Variants in NME5 observed in about 807,000 individuals in gnomAD.
NME5 encodes nucleoside diphosphate kinase 5.
Under a neutral mutation model 21.6 loss-of-function variants are expected in NME5, and 18 were observed. The ratio of observed to expected loss-of-function variants is 0.83; its 90% CI spans 0.58 to 1.24. NME5 has a LOEUF of 1.24. Among genes scored for constraint, NME5 ranks in the 50% most tolerant of loss-of-function variants. NME5 has a pLI of 0.00. For missense variants in NME5, 223 were observed against 255.4 expected, an observed-to-expected ratio of 0.87 and a Z score of 0.86; for synonymous variants, 70 against 80.6, an observed-to-expected ratio of 0.87 and a Z score of 0.71.
At chr5:138,127,530 T>C in intron 4 of NME5, 1 of 981,288 alleles carries the variant, frequency 1.0e-6, no homozygotes, top group Non-Finnish European at 1.2e-6. Flanking sequence ...AAATAAGTCA[T>C]AACAGGAAAA....
chr5:138,127,481 T>G (rs1751451336), intron 4 of NME5: 1 of 974,858 alleles, frequency 1.0e-6, no homozygotes, highest in Non-Finnish European at 1.2e-6. Flanking sequence ...GAATATCCAG[T>G]GGAAAATACT....
intron 2 of NME5, among the ~76,000 whole-genome samples, chr5:138,134,409 A>C (rs534320705): frequency 7.2e-5 from 11 of 151,874 alleles, no homozygotes; most frequent in Non-Finnish European, 1.6e-4. Flanking sequence ...ACGCCCGGCT[A>C]ATTTTTGTGT....
intron 2 of NME5, among the ~76,000 whole-genome samples, chr5:138,137,656 A>G (rs965598711): frequency 6.6e-5 from 10 of 151,778 alleles, no homozygotes; most frequent in Admixed American, 2.6e-4. Context: ...AATAAGCAAT[A>G]TGACACTGTA....
chr5:138,115,548 A>T lies in NME5; in HGVS notation c.*133T>A. On this transcript the variant is annotated 3_prime_UTR_variant, in exon 6 of 6. Coordinates refer to ENST00000265191, the MANE Select transcript of NME5 (RefSeq NM_003551.3). ...TGCTTCATAGAATAGTTATTCCTTT[A>T]ACACTTATTTTTAAGAAATAAATTT... The T allele has an allele frequency of 1.9e-6, 1 of 528,312 alleles. No individual in the cohort carries two copies. Among genetic ancestry groups the T allele is most frequent in the Non-Finnish European group, 3.2e-6 (1 of 308,448 alleles). 32.7% of individuals were successfully genotyped at this position (528,312 alleles called of 1,614,324 possible). A position where few individuals can be genotyped will look rare whatever the true frequency, so the allele number is the denominator to read the frequency against.
chr5:138,125,438 G>C (rs1192985295), intron 4 of NME5, among the ~76,000 whole-genome samples: 2 of 152,110 alleles, frequency 1.3e-5, no homozygotes, highest in East Asian at 3.9e-4. Context: ...AATTAGCCGA[G>C]CATGGTGGTA....
At chr5:138,139,313 C>T (rs1751816359) in intron 1 of NME5, 58 bp downstream of exon 1, 8 of 968,634 alleles carry the variant, frequency 8.3e-6, no homozygotes, top group Non-Finnish European at 9.8e-6. Context: ...TCTAGGTCCG[C>T]GGGGACTTTC....
intron 4 of NME5, among the ~76,000 whole-genome samples, chr5:138,125,900 C>T (rs991970422): frequency 3.9e-5 from 6 of 152,206 alleles, no homozygotes; most frequent in African/African-American, 1.4e-4. Context: ...AGTTGTGAGC[C>T]ACCACGTCCA....
At chr5:138,137,375 T>G (rs925298180) in intron 2 of NME5, among the ~76,000 whole-genome samples, 3 of 152,048 alleles carry the variant, frequency 2.0e-5, no homozygotes, top group Non-Finnish European at 4.4e-5. Context: ...TGGAGTACAA[T>G]GGCGTAGTCT....
intron 4 of NME5, among the ~76,000 whole-genome samples, chr5:138,124,089 T>C (rs889298103): frequency 7.4e-6 from 1 of 135,040 alleles, no homozygotes; most frequent in Non-Finnish European, 1.5e-5. Context: ...CTCCACCTCC[T>C]GGGTTCAAGT....
At chr5:138,134,100 G>T (rs974087328) in intron 2 of NME5, among the ~76,000 whole-genome samples, 6 of 152,106 alleles carry the variant, frequency 3.9e-5, no homozygotes, top group Non-Finnish European at 7.4e-5. Context: ...AAATTTTTTT[G>T]TTTGTTTGTT....
intron 4 of NME5, among the ~76,000 whole-genome samples, chr5:138,125,958 T>C (rs1751414799): frequency 6.6e-6 from 1 of 152,220 alleles, no homozygotes; most frequent in Non-Finnish European, 1.5e-5. Context: ...TTAAATATCT[T>C]GATAACTTGC....
At chr5:138,122,441 T>TAAAAAAAAAAAAAAAAAAAAAAAAAAA (rs70979581) in intron 4 of NME5, among the ~76,000 whole-genome samples, 3 of 34,464 alleles carry the variant, frequency 8.7e-5, no homozygotes, top group Non-Finnish European at 1.6e-4. Flanking sequence ...ACTCTGTCTC[T>TAAAAAAAAAAAAAAAAAAAAAAAAAAA]AAAAAAAAAA....
chr5:138,119,584 C>T (rs1047683012), intron 4 of NME5, among the ~76,000 whole-genome samples: 1 of 152,184 alleles, frequency 6.6e-6, no homozygotes, highest in African/African-American at 2.4e-5. Flanking sequence ...ATCTGCCTGC[C>T]TCAGCCTGCC....
intron 3 of NME5, 59 bp from the exon 4 acceptor site, chr5:138,128,638 G>A: frequency 1.8e-6 from 2 of 1,125,792 alleles, no homozygotes; most frequent in Non-Finnish European, 2.6e-6. Context: ...TACTTTATAT[G>A]CATGCATTCC....
intron 4 of NME5, among the ~76,000 whole-genome samples, chr5:138,125,764 G>A (rs189121736): frequency 1.1e-3 from 174 of 152,184 alleles, no homozygotes; most frequent in Middle Eastern, 6.8e-3. Flanking sequence ...ACAAGCGTGC[G>A]CCACCACGCC....
intron 2 of NME5, among the ~76,000 whole-genome samples, chr5:138,132,940 GTTTT>G (rs566088397): frequency 3.2e-4 from 46 of 145,560 alleles, no homozygotes; most frequent in Middle Eastern, 3.5e-3. Context: ...GCGTATTAGC[GTTTT>G]TTTTTTTTGT....
At chr5:138,138,609 G>A (rs369666553) in intron 2 of NME5, 43 bp downstream of exon 2, 6 of 1,570,920 alleles carry the variant, frequency 3.8e-6, no homozygotes, top group Non-Finnish European at 3.4e-6. Context: ...TTTTTTTAAG[G>A]GCAGAGAGGA....
chr5:138,129,984 A>G (rs1481982246), intron 2 of NME5, among the ~76,000 whole-genome samples: 2 of 152,172 alleles, frequency 1.3e-5, no homozygotes, highest in Non-Finnish European at 2.9e-5. Context: ...CCCTCAGCAT[A>G]TGTTTTGTCA....
intron 2 of NME5, among the ~76,000 whole-genome samples, chr5:138,132,128 G>C (rs982430117): frequency 4.6e-5 from 7 of 152,210 alleles, no homozygotes; most frequent in African/African-American, 1.7e-4. Flanking sequence ...GGGAGACCGA[G>C]GCAGGCGGAC....
Sources: gnomAD v4.1 joint callset for allele counts (sites outside exome capture counted in the v4.1 genomes callset) on GRCh38, gnomAD v4.1.1 for gene constraint, MANE v1.5 for transcripts, NCBI Gene and HGNC (gene_info 2026-07-23, HGNC 2026-07-21) for gene names.